Variants in WIPI2 observed in about 807,000 individuals in gnomAD.
The protein encoded by WIPI2 is WD repeat domain phosphoinositide-interacting protein 2.
Under a neutral mutation model 52.3 loss-of-function variants are expected in WIPI2, and 28 were observed. The observed-to-expected ratio is 0.54, with a 90% CI of 0.40 to 0.73. The LOEUF is 0.73. Ranked by LOEUF, WIPI2 falls within the 30% of genes least tolerant of loss-of-function variation. The pLI, the probability that WIPI2 is intolerant of heterozygous loss-of-function variation, is 0.00. For synonymous variants in WIPI2, 268 were observed against 245.0 expected (o/e 1.09, Z -0.88); for missense variants, 506 against 602.9 (o/e 0.84, Z 1.68).
At chr7:5,202,608 A>G (rs1782083039) in intron 3 of WIPI2, among the ~76,000 whole-genome samples, 2 of 149,670 alleles carry the variant, frequency 1.3e-5, no homozygotes, top group African/African-American at 2.5e-5. Flanking sequence ...CTGGTCTTGA[A>G]CTCCTGGCCT....
chr7:5,228,004 C>A, intron 10 of WIPI2, 100 bp from the exon 11 acceptor site: 2 of 1,093,302 alleles, frequency 1.8e-6, no homozygotes, highest in Non-Finnish European at 2.7e-6. Context: ...GCTCATCTTG[C>A]TGGGGTCTCT....
intron 7 of WIPI2, among the ~76,000 whole-genome samples, chr7:5,221,499 T>A (rs1029240902): frequency 2.6e-5 from 4 of 152,262 alleles, no homozygotes; most frequent in Non-Finnish European, 4.4e-5. Context: ...TTTTAAGGCC[T>A]TTCTTTCCAT....
At chr7:5,209,988 A>G (rs1044772584) in intron 3 of WIPI2, among the ~76,000 whole-genome samples, 1 of 151,080 alleles carries the variant, frequency 6.6e-6, no homozygotes, top group Non-Finnish European at 1.5e-5. Context: ...GCTGGCTGCA[A>G]CCTCCGTCTC....
intron 3 of WIPI2, among the ~76,000 whole-genome samples, chr7:5,204,709 A>G (rs1782207861): frequency 6.6e-6 from 1 of 151,502 alleles, no homozygotes; most frequent in Non-Finnish European, 1.5e-5. Context: ...TTTTTTTTTA[A>G]AACACAGGGT....
At chr7:5,191,134 C>G (rs1419520355) in intron 1 of WIPI2, among the ~76,000 whole-genome samples, 3 of 152,102 alleles carry the variant, frequency 2.0e-5, no homozygotes, top group Non-Finnish European at 1.5e-5. Context: ...ATTCTCCTGC[C>G]TCAGCCTCCC....
At chr7:5,211,448 G>A (rs1221972972) in intron 3 of WIPI2, among the ~76,000 whole-genome samples, 1 of 152,240 alleles carries the variant, frequency 6.6e-6, no homozygotes, top group East Asian at 1.9e-4. Flanking sequence ...CTCCAGCCTG[G>A]GCAACAAAAG....
At chr7:5,192,069 T>G (rs960267089) in intron 1 of WIPI2, among the ~76,000 whole-genome samples, 5 of 152,208 alleles carry the variant, frequency 3.3e-5, no homozygotes, top group African/African-American at 1.2e-4. Context: ...TTTTTCTGTT[T>G]ACAGAGTAGA....
chr7:5,225,398 C>T (rs1783379072), intron 8 of WIPI2, among the ~76,000 whole-genome samples: 1 of 152,156 alleles, frequency 6.6e-6, no homozygotes, highest in Admixed American at 6.5e-5. Context: ...ACCTTGGCCT[C>T]CCAAAGTGCT....
intron 8 of WIPI2, among the ~76,000 whole-genome samples, chr7:5,225,358 G>C (rs1415750120): frequency 6.6e-6 from 1 of 152,072 alleles, no homozygotes; most frequent in Non-Finnish European, 1.5e-5. Context: ...GGCCAGGATG[G>C]TCTCGATATC....
intron 5 of WIPI2, 50 bp from the exon 6 acceptor site, chr7:5,217,040 G>C (rs1284170070): frequency 6.5e-7 from 1 of 1,542,552 alleles, no homozygotes; most frequent in Non-Finnish European, 8.9e-7. Flanking sequence ...CATCCAAGAA[G>C]GAACTCTCAG....
At chr7:5,192,042 C>T (rs1781509287) in intron 1 of WIPI2, among the ~76,000 whole-genome samples, 1 of 152,174 alleles carries the variant, frequency 6.6e-6, no homozygotes, top group Non-Finnish European at 1.5e-5. Context: ...GTTCTTTCTG[C>T]TCTGCCATGC....
At chr7:5,211,970 T>A (rs1453584860) in intron 3 of WIPI2, among the ~76,000 whole-genome samples, 2 of 152,226 alleles carry the variant, frequency 1.3e-5, no homozygotes, top group Non-Finnish European at 2.9e-5. Context: ...CACTTCTGCC[T>A]CTTGGATGTA....
rs1783737792 is a variant in WIPI2, at chr7:5,231,878, G to A, written c.*931G>A. 3.8e-6 allele frequency: 1 copy of A among 262,284 alleles called. No homozygotes were observed. Among genetic ancestry groups the A allele is most frequent in the Non-Finnish European group, 7.1e-6 (1 of 140,096 alleles). The allele number at this position is 262,284 out of a possible 1,614,324, so 16.2% of individuals were successfully genotyped here. On this transcript the variant is annotated 3_prime_UTR_variant, in exon 13 of 13. Transcript: ENST00000288828. Reference sequence around the variant, plus strand: ...GTCCGCAGGGGCTTCCTACCTGTGTGAGAGGTCGTAGCGGGAGACAGCAAC... The same window carrying A: ...GTCCGCAGGGGCTTCCTACCTGTGTAAGAGGTCGTAGCGGGAGACAGCAAC...
intron 4 of WIPI2, 83 bp downstream of exon 4, chr7:5,214,787 C>G (rs929394689): frequency 8.0e-6 from 12 of 1,493,242 alleles, no homozygotes; most frequent in Non-Finnish European, 1.1e-5. Context: ...CGGCATGCCC[C>G]TCCGTCATTC....
chr7:5,227,495 C>G lies in WIPI2; in HGVS notation c.1013+151C>G, dbSNP rs1347866597. 8.7e-7 allele frequency: 1 copy of G among 1,150,346 alleles called. No homozygotes were observed. The highest frequency in any genetic ancestry group is 1.6e-5 in the African/African-American group (1 of 64,158). 71.3% of individuals were successfully genotyped at this position (1,150,346 alleles called of 1,614,324 possible). On this transcript the variant is annotated intron_variant, in intron 10 of 12. Transcript: ENST00000288828. The surrounding 1 kb of genome is among the most constrained non-coding windows in gnomAD (Gnocchi z 8.1). The stretch of plus-strand genomic sequence containing the variant: ...GAGAGTTGTCGGGGATGGGAGGTCC[C>G]CTGGCAGGCACTAGGCTTGCCGCTC...
At position 5,217,133 on chromosome 7, in the gene WIPI2, G is replaced by A. The variant is rs149226373; in HGVS notation, c.522G>A (p.Ala174=). The A allele has an allele frequency of 2.9e-5, 46 of 1,613,900 alleles. No homozygotes were observed. Among genetic ancestry groups the A allele is most frequent in the East Asian group, 2.0e-4 (9 of 44,904 alleles). ...TCAACAACGACAACTGCTACTTGGC[G>A]TACCCAGGGAGCGCGACCATCGGAG... The part of the protein sequence containing the change: ...LSINNDNCYL[A]YPGSATIGEV... Residue 174 remains alanine, a synonymous_variant, in exon 6 of 13, where the codon GCG becomes GCA. Coordinates refer to ENST00000288828, the MANE Select transcript of WIPI2 (RefSeq NM_015610.4).
chr7:5,223,730 A>G (rs1463704985), intron 8 of WIPI2, among the ~76,000 whole-genome samples: 2 of 152,128 alleles, frequency 1.3e-5, no homozygotes, highest in Non-Finnish European at 2.9e-5. Flanking sequence ...GGGCACCTCA[A>G]GCCACCAGGC....
chr7:5,220,390 G>A (rs914714962), intron 7 of WIPI2, among the ~76,000 whole-genome samples: 6 of 151,650 alleles, frequency 4.0e-5, no homozygotes, highest in South Asian at 2.1e-4. Context: ...TTACAAGCGC[G>A]CGCCACCACA....
chr7:5,204,283 A>G (rs1345709866), intron 3 of WIPI2, among the ~76,000 whole-genome samples: 4 of 152,100 alleles, frequency 2.6e-5, no homozygotes, highest in Non-Finnish European at 4.4e-5. Context: ...CCTGGCCAAC[A>G]TGGTGAAACC....
Sources: gnomAD v4.1 joint callset for allele counts (sites outside exome capture counted in the v4.1 genomes callset) on GRCh38, gnomAD v4.1.1 for gene constraint, Gnocchi (gnomAD v3.1) non-coding constraint, MANE v1.5 for transcripts, NCBI Gene and HGNC (gene_info 2026-07-23, HGNC 2026-07-21) for gene names.